OR52A5: variants seen among roughly 807,000 people sequenced by gnomAD.
OR52A5 encodes olfactory receptor family 52 subfamily A member 5.
A neutral mutation model predicts 18.2 loss-of-function variants in OR52A5; 16 were observed. That is an observed-to-expected ratio of 0.88 (90% CI 0.60 to 1.34). The LOEUF (loss-of-function observed/expected upper bound fraction) is 1.34. Ranked by LOEUF, OR52A5 falls within the 40% of genes most tolerant of loss-of-function variation. The pLI is 0.00. For synonymous variants in OR52A5, 140 were observed against 137.2 expected, an observed-to-expected ratio of 1.02 and a Z score of -0.14; for missense variants, 418 against 383.0, an observed-to-expected ratio of 1.09 and a Z score of -0.76.
chr11:5,132,496 A>G lies in OR52A5; in HGVS notation c.147T>C (p.Val49=), dbSNP rs1846350736. 2 of 1,614,186 alleles carry G rather than the reference A, an allele frequency of 1.2e-6. No individual in the cohort carries two copies. The highest frequency in any genetic ancestry group is 8.5e-7 in the Non-Finnish European group (1 of 1,180,024). ...GGAGGCTGTTTTCATATTTGATTATAACTAAAATTAGGGAATTTCCAATCA... is the reference window on the plus strand; with the variant it reads ...GGAGGCTGTTTTCATATTTGATTATGACTAAAATTAGGGAATTTCCAATCA... ...IGVIGNSLIL[V]IIKYENSLHI... The change falls in exon 2 of 2, where the codon GTT becomes GTC. Residue 49 remains valine (V), a synonymous_variant. Coordinates refer to ENST00000307388, the MANE Select transcript of OR52A5 (RefSeq NM_001005160.3).
In OR52A5 at chr11:5,132,601, A is replaced by G; in HGVS notation, c.42T>C (p.Phe14=). The G allele has an allele frequency of 6.2e-7, 1 of 1,613,080 alleles. No individual in the cohort carries two copies. The highest frequency in any genetic ancestry group is 8.5e-7 in the Non-Finnish European group (1 of 1,179,560). ...CCAGACCAGGAATCCCAATTAGTAT[A>G]AACGCAGAGGGCATGAAGACTGAGC... is the stretch of plus-strand genomic sequence containing the variant. ...FNGSVFMPSA[F]ILIGIPGLES... The change falls in exon 2 of 2, where the codon TTT becomes TTC. Residue 14 remains phenylalanine (F), a synonymous_variant. Transcript: ENST00000307388.
chr11:5,135,401 C>A (rs1846383599), intron 1 of OR52A5, among the ~76,000 whole-genome samples: 1 of 152,096 alleles, frequency 6.6e-6, no homozygotes, highest in African/African-American at 2.4e-5. Context: ...ATGTCCACTT[C>A]TTGAACAACA....
chr11:5,133,284 C>T (rs1846360103), intron 1 of OR52A5, among the ~76,000 whole-genome samples: 1 of 143,684 alleles, frequency 7.0e-6, no homozygotes, highest in Non-Finnish European at 1.5e-5. Flanking sequence ...AGGAGAATGG[C>T]ATGAACCCGG....
chr11:5,133,015 ATAT>A (rs1336569647), intron 1 of OR52A5, among the ~76,000 whole-genome samples: 2 of 152,086 alleles, frequency 1.3e-5, no homozygotes, highest in Non-Finnish European at 2.9e-5. Context: ...TAAAAAAAAA[ATAT>A]TATTTAATGC....
chr11:5,129,215 T>G lies in OR52A5; in HGVS notation c.*2477A>C, dbSNP rs755477772. 1.3e-5 allele frequency: 2 copies of G among 152,134 alleles called. No individual in the cohort carries two copies. The highest frequency in any genetic ancestry group is 2.9e-5 in the Non-Finnish European group (2 of 68,034). The allele number at this position is 152,134 out of a possible 1,614,324, so 9.4% of individuals were successfully genotyped here. A position where few individuals can be genotyped will look rare whatever the true frequency, so the allele number is the denominator to read the frequency against. On this transcript the variant is annotated 3_prime_UTR_variant, in exon 2 of 2. Coordinates refer to ENST00000307388, the MANE Select transcript of OR52A5 (RefSeq NM_001005160.3). ...TCTTAATTCTCAGAGTATGTACACC[T>G]TGGCCTACATGTTTAAGGTGTGTTT...
At position 5,132,746 on chromosome 11, in the gene OR52A5, A is replaced by G. The variant is rs903086497; in HGVS notation, c.-60-44T>C. 4 of 678,544 alleles carry G rather than the reference A, an allele frequency of 5.9e-6. No homozygotes were observed. In the African/African-American group the frequency reaches 7.2e-5, roughly 12 times the overall value. 42.0% of individuals were successfully genotyped at this position (678,544 alleles called of 1,614,324 possible). On this transcript the variant is annotated intron_variant, in intron 1 of 1. Coordinates refer to ENST00000307388, the MANE Select transcript of OR52A5 (RefSeq NM_001005160.3). ...AAAAATATGTTAATTTATTTTAGGAAAATATACTGTAGTTATTTTAGGAGT... is the reference window on the plus strand; with the variant it reads ...AAAAATATGTTAATTTATTTTAGGAGAATATACTGTAGTTATTTTAGGAGT...
Position 5,132,080 on chromosome 11 carries a change from A to T in OR52A5, c.563T>A (p.Val188Glu). 1 of 1,614,216 alleles carries T rather than the reference A, an allele frequency of 6.2e-7. No individual in the cohort carries two copies. The highest frequency in any genetic ancestry group is 8.5e-7 in the Non-Finnish European group (1 of 1,180,044). ...SHSYCEHMAI[V>E]KLATEDIRVN... is the part of the protein sequence containing the mutation. ...TCGGATATCTTCAGTAGCCAGCTTC[A>T]CGATGGCCATGTGCTCACAGTAAGA... The change falls in exon 2 of 2, where the codon GTG (valine) becomes GAG (glutamate). Residue 188 changes from valine (V) to glutamate (E), a missense_variant. Val to Glu is a moderately radical substitution (Grantham distance 121, BLOSUM62 -2). Transcript: ENST00000307388.
In OR52A5 at chr11:5,131,639, A is replaced by G; in HGVS notation, c.*53T>C. The G allele has an allele frequency of 1.0e-6, 1 of 1,002,116 alleles. No homozygotes were observed. Among genetic ancestry groups the G allele is most frequent in the South Asian group, 1.6e-5 (1 of 64,286 alleles). 62.1% of individuals were successfully genotyped at this position (1,002,116 alleles called of 1,614,324 possible). A position where few individuals can be genotyped will look rare whatever the true frequency, so the allele number is the denominator to read the frequency against. ...AATATTGATCTGTGACTTTCATTATATTTAGGTTTTTACTTAGAACCAACC... is the reference window on the plus strand; with the variant it reads ...AATATTGATCTGTGACTTTCATTATGTTTAGGTTTTTACTTAGAACCAACC... On this transcript the variant is annotated 3_prime_UTR_variant, in exon 2 of 2. Transcript: ENST00000307388.
In OR52A5 at chr11:5,132,146, T is replaced by A; in HGVS notation, c.497A>T (p.Lys166Ile). ...AGTTCGATAGTGTTTCAGACAGCAT[T>A]TGATGAGCCCTAAGGAAGGTATTAT... ...ILIIPSLGLI[K>I]CCLKHYRTTV... The change falls in exon 2 of 2, where the codon AAA becomes ATA. Residue 166 changes from lysine (K) to isoleucine (I), a missense_variant. Transcript: ENST00000307388. 4.3e-6 allele frequency: 7 copies of A among 1,614,116 alleles called. No homozygotes were observed. In the East Asian group the frequency reaches 1.1e-4, roughly 26 times the overall value.
intron 1 of OR52A5, among the ~76,000 whole-genome samples, chr11:5,134,658 ATCAC>A (rs140979851): frequency 0.024 from 3,718 of 152,072 alleles, 162 homozygotes; most frequent in African/African-American, 0.084. Flanking sequence ...TGTGTTAAAT[ATCAC>A]TCAGTTAAAA....
rs2133520666 is a variant in OR52A5 at position 5,129,607 on chromosome 11, G to A, written c.*2085C>T. 1 of 152,110 alleles carries A rather than the reference G, an allele frequency of 6.6e-6. No individual in the cohort carries two copies. Among genetic ancestry groups the A allele is most frequent in the East Asian group, 1.9e-4 (1 of 5,174 alleles). The allele number at this position is 152,110 out of a possible 1,614,324, so 9.4% of individuals were successfully genotyped here. Reference sequence around the variant, plus strand: ...CTCGGATTCTGCATCCAATTAGCCAGAGCCCTCAATTGAAGAGCAATGGAG... The same window carrying A: ...CTCGGATTCTGCATCCAATTAGCCAAAGCCCTCAATTGAAGAGCAATGGAG... On this transcript the variant is annotated 3_prime_UTR_variant, in exon 2 of 2. Coordinates refer to ENST00000307388, the MANE Select transcript of OR52A5 (RefSeq NM_001005160.3).
chr11:5,133,188 T>C (rs1419611925), intron 1 of OR52A5, among the ~76,000 whole-genome samples: 3 of 151,516 alleles, frequency 2.0e-5, no homozygotes, highest in Non-Finnish European at 4.4e-5. Flanking sequence ...GCTAACACGG[T>C]GAAACCCCAT....
chr11:5,134,864 G>C (rs1333968197), intron 1 of OR52A5, among the ~76,000 whole-genome samples: 1 of 151,962 alleles, frequency 6.6e-6, no homozygotes, highest in Non-Finnish European at 1.5e-5. Flanking sequence ...TCTGTCCTCT[G>C]AGATTTTTTA....
chr11:5,137,809 C>T (rs978683921), intron 1 of OR52A5, among the ~76,000 whole-genome samples: 3 of 152,146 alleles, frequency 2.0e-5, no homozygotes, highest in South Asian at 4.1e-4. Context: ...TAGAAAGAGA[C>T]ACATTACAGA....
intron 1 of OR52A5, among the ~76,000 whole-genome samples, chr11:5,134,857 G>C (rs1247698784): frequency 6.6e-6 from 1 of 151,956 alleles, no homozygotes; most frequent in African/African-American, 2.4e-5. Context: ...GCAAATTTCT[G>C]TCCTCTGAGA....
chr11:5,135,347 C>T (rs772048026), intron 1 of OR52A5, among the ~76,000 whole-genome samples: 12 of 152,106 alleles, frequency 7.9e-5, no homozygotes, highest in South Asian at 2.1e-4. Flanking sequence ...AGGTATAGGA[C>T]GCACAGTACA....
At chr11:5,133,363 C>CAAAA (rs745895019) in intron 1 of OR52A5, among the ~76,000 whole-genome samples, 968 of 59,726 alleles carry the variant, frequency 0.016, no homozygotes, top group Non-Finnish European at 0.019. Context: ...GCGAGACTGT[C>CAAAA]AAAAAAAAAA....
intron 1 of OR52A5, among the ~76,000 whole-genome samples, chr11:5,137,928 A>T (rs1401167940): frequency 2.0e-5 from 3 of 152,216 alleles, no homozygotes; most frequent in African/African-American, 7.2e-5. Flanking sequence ...TTCTCATCCC[A>T]TAAAATAACT....
At position 5,130,412 on chromosome 11, in the gene OR52A5, C is replaced by T. The variant is rs933167167; in HGVS notation, c.*1280G>A. On this transcript the variant is annotated 3_prime_UTR_variant, in exon 2 of 2. Coordinates refer to ENST00000307388, the MANE Select transcript of OR52A5 (RefSeq NM_001005160.3). The stretch of plus-strand genomic sequence containing the variant: ...TTTTTCTTTTGGGAGAATGACTCCT[C>T]ATTAATTATTCATTCTGCGTTATTA... The T allele has an allele frequency of 6.6e-6, 1 of 151,828 alleles. No individual in the cohort carries two copies. The highest frequency in any genetic ancestry group is 2.4e-5 in the African/African-American group (1 of 41,384). The allele number at this position is 151,828 out of a possible 1,614,324, so 9.4% of individuals were successfully genotyped here. A position where few individuals can be genotyped will look rare whatever the true frequency, so the allele number is the denominator to read the frequency against.
Sources: gnomAD v4.1 joint callset for allele counts (sites outside exome capture counted in the v4.1 genomes callset) on GRCh38, gnomAD v4.1.1 for gene constraint, MANE v1.5 for transcripts, NCBI Gene and HGNC (gene_info 2026-07-23, HGNC 2026-07-21) for gene names.